Variants in TRRAP observed in about 807,000 individuals in gnomAD.
The protein encoded by TRRAP is transformation/transcription domain associated protein, also known as transformation/transcription domain-associated protein.
TRRAP carries 41 observed loss-of-function variants against 438.8 expected under a neutral mutation model. The ratio of observed to expected loss-of-function variants is 0.09; its 90% CI spans 0.07 to 0.12. TRRAP has a LOEUF of 0.12. Among genes scored for constraint, TRRAP ranks in the 10% least tolerant of loss-of-function variants. The pLI is 1.00. For synonymous variants in TRRAP, 1,994 were observed against 1,962.9 expected (o/e 1.02, Z -0.42); for missense variants, 3,122 against 5,055.1 (o/e 0.62, Z 11.60).
intron 65 of TRRAP, among the ~76,000 whole-genome samples, chr7:98,992,941 G>A (rs778821666): frequency 1.3e-5 from 2 of 152,052 alleles, no homozygotes; most frequent in Non-Finnish European, 2.9e-5. Flanking sequence ...TGAAAATTAA[G>A]GTTTTTTAGT....
chr7:98,933,725 A>T (rs1790430268), intron 27 of TRRAP, among the ~76,000 whole-genome samples: 2 of 152,256 alleles, frequency 1.3e-5, no homozygotes, highest in Admixed American at 6.5e-5. Context: ...AATCATTCTT[A>T]GATCAGCTGG....
chr7:98,975,177 G>C (rs1792599713), intron 53 of TRRAP, among the ~76,000 whole-genome samples: 1 of 152,222 alleles, frequency 6.6e-6, no homozygotes, highest in South Asian at 2.1e-4. Context: ...CAGATACTTA[G>C]GAGCGTTCTT....
In TRRAP at chr7:98,981,816, C is replaced by T. The variant is rs763534495; in HGVS notation, c.8682C>T (p.Tyr2894=). 1.9e-6 allele frequency: 3 copies of T among 1,605,052 alleles called. No individual in the cohort carries two copies. Among genetic ancestry groups the T allele is most frequent in the Non-Finnish European group, 1.7e-6 (2 of 1,176,306 alleles). ...PKEMAWKVNM[Y]RGYLAICHPE... ...AGATGGCCTGGAAGGTGAACATGTA[C>T]CGCGGATACCTGGCCATCTGCCACC... Residue 2894 remains tyrosine, a synonymous_variant, in exon 59 of 73, where the codon TAC becomes TAT. Transcript: ENST00000456197.
At chr7:98,931,263 C>T (rs185310442) in intron 25 of TRRAP, 142 bp from the exon 26 acceptor site, 175 of 1,234,822 alleles carry the variant, frequency 1.4e-4, no homozygotes, top group Admixed American at 3.8e-4. Flanking sequence ...AAGTGGGTGC[C>T]GTGAAGTCAC....
Position 98,945,742 on chromosome 7 carries a change from C to G in TRRAP, c.4474-5C>G, listed in dbSNP as rs1791025337. The stretch of plus-strand genomic sequence containing the variant: ...AAAAAAGATGATTTTCCTCCCCATC[C>G]TCAGGAAAGCATTTCCGAGTGCGGG... On this transcript the variant is annotated splice_polypyrimidine_tract_variant and splice_region_variant and intron_variant, in intron 31 of 72. Coordinates refer to ENST00000456197, the MANE Select transcript of TRRAP (RefSeq NM_001375524.1). 2.5e-6 allele frequency: 4 copies of G among 1,597,594 alleles called. No homozygotes were observed. Among genetic ancestry groups the G allele is most frequent in the Non-Finnish European group, 2.5e-6 (3 of 1,179,566 alleles).
intron 3 of TRRAP, among the ~76,000 whole-genome samples, chr7:98,882,266 A>G (rs1795478919): frequency 6.6e-6 from 1 of 151,038 alleles, no homozygotes; most frequent in Non-Finnish European, 1.5e-5. Context: ...GTTTAAAAAC[A>G]TTTTTTCATT....
In TRRAP at chr7:98,981,914, G is replaced by C. The variant is rs878932537; in HGVS notation, c.8780G>C (p.Arg2927Pro). The C allele has an allele frequency of 3.7e-6, 6 of 1,609,076 alleles. No homozygotes were observed. Among genetic ancestry groups the C allele is most frequent in the Non-Finnish European group, 5.1e-6 (6 of 1,178,862 alleles). The change falls in exon 59 of 73, where the codon CGG becomes CCG. Residue 2927 changes from arginine (R) to proline (P), a missense_variant. Around this residue, in one of 24 missense-constraint regions of TRRAP, gnomAD observed 992 missense variants for 1,281.2 expected, o/e 0.77. Coordinates refer to ENST00000456197, the MANE Select transcript of TRRAP (RefSeq NM_001375524.1). ...AGCAGCCTGGCCATCCGCGAGTGGCGGCGGCTGCCCCACGTAGTGTCCCAC... is the reference window on the plus strand; with the variant it reads ...AGCAGCCTGGCCATCCGCGAGTGGCCGCGGCTGCCCCACGTAGTGTCCCAC... ...MASSLAIREWRRLPHVVSHVH... is the reference protein window; with the variant it reads ...MASSLAIREWPRLPHVVSHVH...
chr7:98,907,284 T>C (rs905302378), intron 13 of TRRAP, among the ~76,000 whole-genome samples: 2 of 152,004 alleles, frequency 1.3e-5, no homozygotes, highest in Non-Finnish European at 2.9e-5. Flanking sequence ...GATCATGCCA[T>C]TGCAATCCAG....
intron 40 of TRRAP, among the ~76,000 whole-genome samples, chr7:98,954,709 C>T (rs941817763): frequency 1.3e-5 from 2 of 152,242 alleles, no homozygotes; most frequent in Non-Finnish European, 2.9e-5. Context: ...TGAGTGACTG[C>T]AGCTGCCGCT....
rs1554417429 is a variant in TRRAP at position 98,948,653 on chromosome 7, C to T, written c.4756C>T (p.Leu1586=). 6 of 1,614,242 alleles carry T rather than the reference C, an allele frequency of 3.7e-6. No homozygotes were observed. The highest frequency in any genetic ancestry group is 5.1e-6 in the Non-Finnish European group (6 of 1,180,052). Residue 1586 remains leucine, a synonymous_variant, in exon 35 of 73, where the codon CTG becomes TTG. Transcript: ENST00000456197. This position sits in a 1 kb window ranked among gnomAD's most constrained non-coding sequence, Gnocchi z 4.9. The stretch of plus-strand genomic sequence containing the variant: ...GGAGCTGTTCATGATGGAAGCCACA[C>T]TGAACGATCCCCAGTGGAGCAGAAT... The part of the protein sequence containing the change: ...TVELFMMEAT[L]NDPQWSRMFM...
At chr7:99,002,342 A>G (rs1001354780) in intron 67 of TRRAP, among the ~76,000 whole-genome samples, 1 of 152,216 alleles carries the variant, frequency 6.6e-6, no homozygotes. Flanking sequence ...GGACTGTGCC[A>G]ATGTCACTTT....
intron 46 of TRRAP, among the ~76,000 whole-genome samples, chr7:98,961,750 T>C (rs763738453): frequency 6.6e-6 from 1 of 152,036 alleles, no homozygotes; most frequent in Non-Finnish European, 1.5e-5. Context: ...AGAAACCCCA[T>C]CTCTACTAAA....
Position 98,961,443 on chromosome 7 carries a change from G to C in TRRAP, c.6672G>C (p.Ser2224=). ...KVLRAVHSLL[S]RLMSIFPTEP... ...TGCGAGCCGTCCACAGCCTTCTCTC[G>C]CGCCTGATGAGCATTTTCCCAACAG... Residue 2224 remains serine, a synonymous_variant, in exon 46 of 73, where the codon TCG becomes TCC. Transcript: ENST00000456197. The C allele has an allele frequency of 1.2e-6, 2 of 1,614,166 alleles. No individual in the cohort carries two copies. The highest frequency in any genetic ancestry group is 1.7e-6 in the Non-Finnish European group (2 of 1,180,046).
intron 67 of TRRAP, among the ~76,000 whole-genome samples, chr7:98,997,854 T>C (rs1338392226): frequency 6.6e-6 from 1 of 152,196 alleles, no homozygotes; most frequent in Non-Finnish European, 1.5e-5. Flanking sequence ...AAATTCTAGA[T>C]TTGGCCTGAA....
chr7:98,889,400 AG>A (rs1479789030), intron 3 of TRRAP, among the ~76,000 whole-genome samples: 1 of 152,182 alleles, frequency 6.6e-6, no homozygotes, highest in Non-Finnish European at 1.5e-5. Flanking sequence ...TAACTCATGC[AG>A]TCTTCACAAT....
At position 98,937,676 on chromosome 7, in the gene TRRAP, C is replaced by G. The variant is rs782180003; in HGVS notation, c.4260C>G (p.Val1420=). The part of the protein sequence containing the change: ...RKFLEGATIE[V]DQIHTHMRPL... ...TTTTAGAAGGTGCTACCATAGAAGT[C>G]GATCAAATCCACACACATATGCGAC... Residue 1420 remains valine (V), a synonymous_variant, in exon 30 of 73, where the codon GTC becomes GTG. Transcript: ENST00000456197. The G allele has an allele frequency of 8.1e-6, 13 of 1,609,802 alleles. No individual in the cohort carries two copies. The Admixed American group carries it at 2.2e-4, about 27-fold the overall frequency.
At chr7:98,903,665 TTC>T (rs1273780604) in intron 12 of TRRAP, 148 bp downstream of exon 12, 8 of 1,172,328 alleles carry the variant, frequency 6.8e-6, no homozygotes, top group Non-Finnish European at 7.1e-6. Flanking sequence ...TTCCCCTCTT[TTC>T]TCTCCCTCTC....
Position 99,004,209 on chromosome 7 carries a change from A to G in TRRAP, c.10329A>G (p.Pro3443=), listed in dbSNP as rs1258934738. The change falls in exon 68 of 73, where the codon CCA becomes CCG. Residue 3443 remains proline (P), a synonymous_variant. Coordinates refer to ENST00000456197, the MANE Select transcript of TRRAP (RefSeq NM_001375524.1). Reference sequence around the variant, plus strand: ...TTTAAGATTTTGACTTCAGCGTTCCAGGATCCATGAAGCTTCATAATCTTA... The same window carrying G: ...TTTAAGATTTTGACTTCAGCGTTCCGGGATCCATGAAGCTTCATAATCTTA... The part of the protein sequence containing the change: ...QFTTDFDFSV[P]GSMKLHNLIS... The G allele has an allele frequency of 6.2e-7, 1 of 1,611,466 alleles. No homozygotes were observed. Among genetic ancestry groups the G allele is most frequent in the Non-Finnish European group, 8.5e-7 (1 of 1,179,488 alleles).
At chr7:98,968,013 C>G (rs1032315738) in intron 51 of TRRAP, among the ~76,000 whole-genome samples, 1 of 138,704 alleles carries the variant, frequency 7.2e-6, no homozygotes, top group Non-Finnish European at 1.6e-5. Flanking sequence ...GACTTGTCAA[C>G]TCCCATTGTT....
Sources: allele counts gnomAD v4.1 joint callset (sites outside exome capture counted in the v4.1 genomes callset), GRCh38; gene constraint gnomAD v4.1.1; regional missense constraint gnomAD v4.1.1; non-coding constraint Gnocchi (gnomAD v3.1); transcripts MANE v1.5; gene names NCBI Gene and HGNC (gene_info 2026-07-23, HGNC 2026-07-21).